Variants in ATRX observed in about 807,000 individuals in gnomAD.
ATRX encodes the protein chromatin remodeler ATRX.
In ATRX, 12 loss-of-function variants were observed where a neutral mutation model predicts 172.6. The ratio of observed to expected loss-of-function variants is 0.07; its 90% CI spans 0.04 to 0.11. The LOEUF (loss-of-function observed/expected upper bound fraction) is 0.11, where lower values mean the gene tolerates loss of function less well. Ranked by LOEUF, ATRX falls within the 10% of genes least tolerant of loss-of-function variation. ATRX has a pLI of 1.00. For synonymous variants in ATRX, 674 were observed against 594.7 expected (o/e 1.13, Z -1.94); for missense variants, 1,368 against 1,767.4 (o/e 0.77, Z 4.05).
At chrX:77,701,992 G>A (rs1380725074) in intron 2 of ATRX, among the ~76,000 whole-genome samples, 1 of 111,341 alleles carries the variant, frequency 9.0e-6, no homozygotes, top group Non-Finnish European at 1.9e-5. Flanking sequence ...CTTGAACCCA[G>A]GGGGTAGAGG....
chrX:77,558,542 G>C, intron 29 of ATRX, 127 bp downstream of exon 29: 1 of 598,818 alleles, frequency 1.7e-6, no homozygotes, highest in Non-Finnish European at 2.6e-6. Context: ...GACTTCTGCT[G>C]CTTTATGTAC....
rs782292423 is a variant in ATRX, at chrX:77,537,386, CAT to C, written c.6700-13987_6700-13986del. ...CTGATCCTATCTTACTCATCAGTAA[CAT>C]GTGACAGAATTTAATCACTCTCTTC... On this transcript the variant is annotated intron_variant, in intron 30 of 34. Coordinates refer to ENST00000373344, the MANE Select transcript of ATRX (RefSeq NM_000489.6). Among the ~76,000 whole-genome samples the C allele has an allele frequency of 7.1e-5, 8 of 111,925 alleles. No individual in the cohort carries two copies. In the East Asian group the frequency reaches 1.7e-3, roughly 24 times the overall value.
At chrX:77,521,091 G>C (rs1028244552) in intron 33 of ATRX, 175 bp from the exon 34 acceptor site, 4 of 474,432 alleles carry the variant, frequency 8.4e-6, no homozygotes, top group Non-Finnish European at 1.4e-5. Context: ...GCTGTACCTG[G>C]GCTGGCTATC....
At chrX:77,665,531 A>G (rs2070187537) in intron 10 of ATRX, among the ~76,000 whole-genome samples, 1 of 111,667 alleles carries the variant, frequency 9.0e-6, no homozygotes, top group Admixed American at 9.5e-5. Context: ...TCAAAGACCA[A>G]TTTGCTAATG....
chrX:77,702,415 C>G (rs1479327004), intron 2 of ATRX, among the ~76,000 whole-genome samples: 2 of 111,496 alleles, frequency 1.8e-5, no homozygotes, highest in African/African-American at 6.5e-5. Flanking sequence ...TGCACCCCAG[C>G]CTGGGGAACA....
chrX:77,509,038 T>C (rs1441940953), intron 34 of ATRX, among the ~76,000 whole-genome samples: 1 of 112,088 alleles, frequency 8.9e-6, no homozygotes, highest in Non-Finnish European at 1.9e-5. Flanking sequence ...TAGGAATAAT[T>C]CTGACCAGGA....
At chrX:77,773,439 C>G (rs2076235178) in intron 1 of ATRX, among the ~76,000 whole-genome samples, 2 of 111,424 alleles carry the variant, frequency 1.8e-5, no homozygotes, top group Admixed American at 9.6e-5. Flanking sequence ...AGAGAATGAG[C>G]TGATTAATAA....
chrX:77,681,891 C>G lies in ATRX; in HGVS notation c.3365G>C (p.Cys1122Ser), dbSNP rs781805625. 1 of 1,209,330 alleles carries G rather than the reference C, an allele frequency of 8.3e-7. No homozygotes were observed. Among genetic ancestry groups the G allele is most frequent in the East Asian group, 3.0e-5 (1 of 33,790 alleles). ...TTTCAGTCTCTTATCAGAAGAGTTA[C>G]AACCATCTTCTTTCATGGAATATTT... ...TEKYSMKEDG[C>S]NSSDKRLKRI... is the part of the protein sequence containing the mutation. The change falls in exon 9 of 35, where the codon TGT (cysteine) becomes TCT (serine). Residue 1122 changes from cysteine (C) to serine (S), a missense_variant. By Grantham distance (112) the Cys-to-Ser change is moderately radical. Transcript: ENST00000373344.
At chrX:77,589,585 A>G (rs1298575526) in intron 27 of ATRX, among the ~76,000 whole-genome samples, 1 of 112,115 alleles carries the variant, frequency 8.9e-6, no homozygotes, top group Non-Finnish European at 1.9e-5. Context: ...GCTTCACTAC[A>G]GTAGCCATTT....
intron 22 of ATRX, among the ~76,000 whole-genome samples, chrX:77,612,256 G>C (rs1341563778): frequency 9.0e-6 from 1 of 111,651 alleles, no homozygotes; most frequent in Non-Finnish European, 1.9e-5. Flanking sequence ...TCTCTAAAGA[G>C]TGGCACTTGG....
rs145818697 is a variant in ATRX at position 77,713,454 on chromosome X, G to T, written c.133+3677C>A. 8.3e-3 allele frequency among the ~76,000 whole-genome samples: 924 copies of T among 111,138 alleles called. 8 individuals carry two copies. The highest frequency in any genetic ancestry group is 0.014 in the Non-Finnish European group (752 of 53,079). On this transcript the variant is annotated intron_variant, in intron 2 of 34. Coordinates refer to ENST00000373344, the MANE Select transcript of ATRX (RefSeq NM_000489.6). ...CAAAAAATAACTGATTGTAGGGCTGGGGAACAGAGAATGGAAAGCAAGCCT... is the reference window on the plus strand; with the variant it reads ...CAAAAAATAACTGATTGTAGGGCTGTGGAACAGAGAATGGAAAGCAAGCCT...
At chrX:77,750,182 T>A (rs934926943) in intron 1 of ATRX, among the ~76,000 whole-genome samples, 4 of 111,849 alleles carry the variant, frequency 3.6e-5, no homozygotes, top group Admixed American at 2.9e-4. Context: ...AGTCTCTCAC[T>A]GTGCACAATT....
intron 32 of ATRX, 91 bp downstream of exon 32, chrX:77,522,172 T>C: frequency 9.0e-7 from 1 of 1,110,469 alleles, no homozygotes; most frequent in Non-Finnish European, 1.2e-6. Flanking sequence ...TTTTGGAGAA[T>C]GTGATATTTC....
intron 27 of ATRX, among the ~76,000 whole-genome samples, chrX:77,582,998 C>T (rs1310578071): frequency 9.0e-6 from 1 of 111,593 alleles, no homozygotes; most frequent in Non-Finnish European, 1.9e-5. Context: ...TTTACAAGGC[C>T]AGTATTACCC....
chrX:77,780,279 G>A (rs1421363010), intron 1 of ATRX, among the ~76,000 whole-genome samples: 2 of 110,910 alleles, frequency 1.8e-5, no homozygotes, highest in Admixed American at 9.7e-5. Flanking sequence ...CCCACAAAAG[G>A]CAGATAAGAG....
At chrX:77,779,235 G>A (rs1405069673) in intron 1 of ATRX, among the ~76,000 whole-genome samples, 5 of 106,950 alleles carry the variant, frequency 4.7e-5, no homozygotes, top group Non-Finnish European at 7.7e-5. Context: ...GAGCCACGGC[G>A]CCCGGCTCAA....
intron 30 of ATRX, among the ~76,000 whole-genome samples, chrX:77,540,530 C>A (rs181276336): frequency 8.9e-6 from 1 of 111,819 alleles, no homozygotes; most frequent in Non-Finnish European, 1.9e-5. Context: ...TCAGCAACTC[C>A]TTGCACTTAT....
At chrX:77,669,614 G>A (rs782147110) in intron 10 of ATRX, among the ~76,000 whole-genome samples, 27 of 111,500 alleles carry the variant, frequency 2.4e-4, no homozygotes, top group Non-Finnish European at 4.1e-4. Flanking sequence ...ATGAGCCACC[G>A]CGCTGACCCC....
intron 5 of ATRX, 111 bp downstream of exon 5, chrX:77,696,466 C>T: frequency 2.4e-6 from 2 of 823,161 alleles, no homozygotes; most frequent in Admixed American, 5.1e-5. Flanking sequence ...TAGGAAAATG[C>T]CATGTTTGGT....
Sources: gnomAD v4.1 joint callset for allele counts (sites outside exome capture counted in the v4.1 genomes callset) on GRCh38, gnomAD v4.1.1 for gene constraint, MANE v1.5 for transcripts, NCBI Gene and HGNC (gene_info 2026-07-23, HGNC 2026-07-21) for gene names.